Variants in DOCK4 observed in about 807,000 individuals in gnomAD.
DOCK4 encodes the protein dedicator of cytokinesis 4, also known as dedicator of cytokinesis protein 4.
In DOCK4, 97 loss-of-function variants were observed where a neutral mutation model predicts 268.1. The ratio of observed to expected loss-of-function variants is 0.36; its 90% CI spans 0.31 to 0.43. The LOEUF (loss-of-function observed/expected upper bound fraction) is 0.43, where lower values mean the gene tolerates loss of function less well. DOCK4 is among the 20% of genes least tolerant of loss of function. The probability of loss-of-function intolerance (pLI) is 1.00; values close to 1 mark genes in which losing one functional copy is unlikely to be tolerated. For synonymous variants in DOCK4, 954 were observed against 887.2 expected (o/e 1.08, Z -1.34); for missense variants, 2,145 against 2,455.7 (o/e 0.87, Z 2.67).
At chr7:111,739,740 C>T in intron 47 of DOCK4, 1 of 465,978 alleles carries the variant, frequency 2.1e-6, no homozygotes, top group South Asian at 2.2e-5. Context: ...CAGTGCATTC[C>T]TTCATTGAGG....
At chr7:111,885,874 T>C (rs1325909464) in intron 16 of DOCK4, among the ~76,000 whole-genome samples, 1 of 152,152 alleles carries the variant, frequency 6.6e-6, no homozygotes, top group Non-Finnish European at 1.5e-5. Flanking sequence ...GCAGCAGTAG[T>C]AGTCTCATCT....
intron 26 of DOCK4, among the ~76,000 whole-genome samples, chr7:111,828,042 C>G (rs946670915): frequency 5.9e-5 from 9 of 152,096 alleles, no homozygotes; most frequent in Admixed American, 6.6e-5. Context: ...AGTCTCACTG[C>G]TGTATATATA....
intron 27 of DOCK4, 130 bp downstream of exon 27, chr7:111,822,232 A>AT: frequency 1.5e-6 from 1 of 683,586 alleles, no homozygotes; most frequent in Non-Finnish European, 2.4e-6. Context: ...AAGTGGTAAC[A>AT]TTTTTTTAAA....
At chr7:112,023,524 A>C (rs980981888) in intron 1 of DOCK4, 1 of 369,264 alleles carries the variant, frequency 2.7e-6, no homozygotes, top group African/African-American at 2.1e-5. Flanking sequence ...GGAAGAAAGC[A>C]CAACATTAGA....
rs144634178 is a variant in DOCK4, at chr7:112,132,763, G to C, written c.37+73339C>G. Among the ~76,000 whole-genome samples, 175 of 152,260 alleles carry C rather than the reference G, an allele frequency of 1.1e-3. 3 individuals carry two copies. The East Asian group carries it at 0.033, about 28-fold the overall frequency. ...GACACATGCAAAAAGGTTATTAAAG[G>C]ATGGGCAGAATACTCTCTGGCCTTA... On this transcript the variant is annotated intron_variant, in intron 1 of 52. Coordinates refer to ENST00000428084, the MANE Select transcript of DOCK4 (RefSeq NM_001363540.2).
intron 1 of DOCK4, among the ~76,000 whole-genome samples, chr7:112,199,555 A>C (rs1279711419): frequency 6.6e-6 from 1 of 152,208 alleles, no homozygotes; most frequent in Non-Finnish European, 1.5e-5. Flanking sequence ...AGTTGCTTAA[A>C]TGAAGCTAGG....
At chr7:111,932,952 A>T (rs1396895577) in intron 12 of DOCK4, among the ~76,000 whole-genome samples, 1 of 151,824 alleles carries the variant, frequency 6.6e-6, no homozygotes, top group Non-Finnish European at 1.5e-5. Flanking sequence ...AAGTCTACCA[A>T]TGAATTCCAC....
At chr7:111,893,998 C>T (rs183542542) in intron 16 of DOCK4, among the ~76,000 whole-genome samples, 43 of 152,184 alleles carry the variant, frequency 2.8e-4, no homozygotes, top group South Asian at 1.7e-3. Context: ...CTGAGGTGGG[C>T]GGATCACGAG....
At chr7:112,125,373 G>A (rs1813120678) in intron 1 of DOCK4, among the ~76,000 whole-genome samples, 1 of 152,088 alleles carries the variant, frequency 6.6e-6, no homozygotes, top group African/African-American at 2.4e-5. Context: ...TGAAACGCAA[G>A]GTCATTTTGT....
Position 111,739,151 on chromosome 7 carries a change from G to C in DOCK4, c.5215C>G (p.Pro1739Ala), listed in dbSNP as rs751093222. 113 of 1,613,746 alleles carry C rather than the reference G, an allele frequency of 7.0e-5. No individual in the cohort carries two copies. The highest frequency in any genetic ancestry group is 9.3e-5 in the Non-Finnish European group (110 of 1,179,658). ...AGGAGTACCTGCGAAGGCTCCACAGGTGTTGGATAGATGGCACTGCATGGT... is the reference window on the plus strand; with the variant it reads ...AGGAGTACCTGCGAAGGCTCCACAGCTGTTGGATAGATGGCACTGCATGGT... ...ERPCSAIYPT[P>A]VEPSQRMLFN... Residue 1739 changes from proline (P) to alanine (A), a missense_variant, in exon 49 of 53, where the codon CCT becomes GCT. By Grantham distance (27) the Pro-to-Ala change is conservative. Around this residue, in one of 2 missense-constraint regions of DOCK4, gnomAD observed 547 missense variants for 469.0 expected, o/e 1.17. Transcript: ENST00000428084.
chr7:111,883,820 T>C (rs1422337185), intron 16 of DOCK4, among the ~76,000 whole-genome samples: 1 of 152,170 alleles, frequency 6.6e-6, no homozygotes, highest in Non-Finnish European at 1.5e-5. Context: ...AGTTATGACA[T>C]CTTGATAGCT....
At chr7:111,836,997 T>G (rs1170512698) in intron 25 of DOCK4, among the ~76,000 whole-genome samples, 1 of 152,028 alleles carries the variant, frequency 6.6e-6, no homozygotes, top group Non-Finnish European at 1.5e-5. Context: ...TTTCAAACTC[T>G]TTGAAAATTA....
At chr7:111,810,649 T>A (rs1020643743) in intron 28 of DOCK4, among the ~76,000 whole-genome samples, 1 of 152,014 alleles carries the variant, frequency 6.6e-6, no homozygotes, top group Non-Finnish European at 1.5e-5. Context: ...AGCAATCAAA[T>A]GTAATTGGTA....
At chr7:112,062,863 G>C (rs1393671655) in intron 1 of DOCK4, among the ~76,000 whole-genome samples, 1 of 152,114 alleles carries the variant, frequency 6.6e-6, no homozygotes, top group Non-Finnish European at 1.5e-5. Context: ...ATTTTTAGTA[G>C]AGATGGGGTT....
At chr7:111,828,917 T>C (rs1178753153) in intron 26 of DOCK4, among the ~76,000 whole-genome samples, 2 of 150,498 alleles carry the variant, frequency 1.3e-5, no homozygotes, top group African/African-American at 4.9e-5. Flanking sequence ...TGTATATATA[T>C]AGTATACAAA....
intron 44 of DOCK4, 24 bp downstream of exon 44, chr7:111,746,310 G>A (rs761685773): frequency 2.7e-5 from 43 of 1,598,798 alleles, no homozygotes; most frequent in South Asian, 5.6e-5. Flanking sequence ...AAAATAGAAG[G>A]GGGTTGGCTT....
intron 30 of DOCK4, among the ~76,000 whole-genome samples, chr7:111,807,253 T>C (rs1345902014): frequency 6.6e-6 from 1 of 152,184 alleles, no homozygotes; most frequent in Non-Finnish European, 1.5e-5. Flanking sequence ...TTCAAAAACA[T>C]CTTGCTAAAT....
intron 1 of DOCK4, among the ~76,000 whole-genome samples, chr7:112,136,509 G>A (rs1387031782): frequency 1.3e-5 from 2 of 152,222 alleles, no homozygotes; most frequent in African/African-American, 2.4e-5. Context: ...ACACCTATGT[G>A]TCAAGCCCTT....
chr7:112,157,994 T>C (rs908372421), intron 1 of DOCK4, among the ~76,000 whole-genome samples: 3 of 152,198 alleles, frequency 2.0e-5, no homozygotes, highest in South Asian at 4.1e-4. Context: ...ATAAAATATA[T>C]AGAAACTAAA....
Sources: allele counts gnomAD v4.1 joint callset (sites outside exome capture counted in the v4.1 genomes callset), GRCh38; gene constraint gnomAD v4.1.1; regional missense constraint gnomAD v4.1.1; transcripts MANE v1.5; gene names NCBI Gene and HGNC (gene_info 2026-07-23, HGNC 2026-07-21).